Variants in TSPEAR observed in about 807,000 individuals in gnomAD.
TSPEAR encodes the protein thrombospondin type laminin G domain and EAR repeats.
Under a neutral mutation model 71.6 loss-of-function variants are expected in TSPEAR, and 69 were observed. That is an observed-to-expected ratio of 0.96 (90% CI 0.79 to 1.18). TSPEAR has a LOEUF of 1.18. Among genes scored for constraint, TSPEAR ranks in the 50% most tolerant of loss-of-function variants. The pLI, the probability that TSPEAR is intolerant of heterozygous loss-of-function variation, is 0.00. For synonymous variants in TSPEAR, 402 were observed against 387.2 expected, an observed-to-expected ratio of 1.04 and a Z score of -0.45; for missense variants, 971 against 894.9, an observed-to-expected ratio of 1.09 and a Z score of -1.09.
At chr21:44,507,655 A>C (rs1278342539) in intron 10 of TSPEAR, among the ~76,000 whole-genome samples, 1 of 152,238 alleles carries the variant, frequency 6.6e-6, no homozygotes, top group Non-Finnish European at 1.5e-5. Context: ...TCAAATCCCG[A>C]GGCGTCTGCC....
At chr21:44,550,509 G>A in intron 2 of TSPEAR, 1 of 933,396 alleles carries the variant, frequency 1.1e-6, no homozygotes, top group Non-Finnish European at 1.6e-6. Flanking sequence ...AGAAGCCAGG[G>A]CTCGCCCGCC....
chr21:44,632,275 G>C (rs1159748693), intron 1 of TSPEAR, among the ~76,000 whole-genome samples: 2 of 152,126 alleles, frequency 1.3e-5, no homozygotes, highest in African/African-American at 2.4e-5. Context: ...AGCAGGAAGA[G>C]AGAAGATTAA....
In TSPEAR at chr21:44,627,454, T is replaced by G. The variant is rs1162182657; in HGVS notation, c.83-59449A>C. 4.4e-6 allele frequency: 7 copies of G among 1,608,562 alleles called. No individual in the cohort carries two copies. In the African/African-American group the frequency reaches 9.4e-5, roughly 22 times the overall value. ...GCCGGCTTACTGCACCTCCTCCCCC[T>G]GCCAGCAGGCCTGCTGCGTGCCCGT... On this transcript the variant is annotated intron_variant, in intron 1 of 11. Coordinates refer to ENST00000323084, the MANE Select transcript of TSPEAR (RefSeq NM_144991.3).
chr21:44,650,224 A>G (rs587757551), intron 1 of TSPEAR, among the ~76,000 whole-genome samples: 2 of 152,264 alleles, frequency 1.3e-5, no homozygotes, highest in East Asian at 1.9e-4. Context: ...CAAAAAAAAA[A>G]AAGAAAGAAA....
intron 1 of TSPEAR, among the ~76,000 whole-genome samples, chr21:44,581,159 C>T (rs587755175): frequency 6.6e-6 from 1 of 152,300 alleles, no homozygotes; most frequent in East Asian, 1.9e-4. Flanking sequence ...TGGATCTGTG[C>T]TTTATCCTTG....
chr21:44,674,435 G>T (rs1463964320), intron 1 of TSPEAR, among the ~76,000 whole-genome samples: 1 of 152,138 alleles, frequency 6.6e-6, no homozygotes, highest in Admixed American at 6.5e-5. Context: ...AAGATCATCT[G>T]GCTGGGCACG....
chr21:44,550,824 T>G, intron 2 of TSPEAR: 1 of 1,534,990 alleles, frequency 6.5e-7, no homozygotes, highest in Non-Finnish European at 8.9e-7. Context: ...GCAGCTAGAC[T>G]GCTGGCAGCA....
intron 1 of TSPEAR, chr21:44,627,012 A>T: frequency 1.7e-6 from 2 of 1,187,356 alleles, no homozygotes; most frequent in Admixed American, 2.4e-5. Flanking sequence ...GCCGCCTCTC[A>T]GCAACAAGGA....
At chr21:44,535,595 G>C (rs587701267) in intron 2 of TSPEAR, among the ~76,000 whole-genome samples, 1 of 152,156 alleles carries the variant, frequency 6.6e-6, no homozygotes. Flanking sequence ...TGTACACTGC[G>C]ACTGCCTGCA....
intron 1 of TSPEAR, chr21:44,580,059 C>T (rs587654407): frequency 1.8e-5 from 29 of 1,594,356 alleles, no homozygotes; most frequent in South Asian, 1.5e-4. Context: ...CAGACAGGCA[C>T]GTAGCAGGAC....
At chr21:44,528,314 A>T in intron 6 of TSPEAR, 138 bp downstream of exon 6, 1 of 1,242,538 alleles carries the variant, frequency 8.0e-7, no homozygotes, top group Non-Finnish European at 1.1e-6. Context: ...TCTCACTCTT[A>T]GAAGTGCCCC....
intron 1 of TSPEAR, among the ~76,000 whole-genome samples, chr21:44,671,712 A>G (rs1986064381): frequency 6.6e-6 from 1 of 152,208 alleles, no homozygotes; most frequent in Non-Finnish European, 1.5e-5. Context: ...CTTCTCATAA[A>G]AAAGCCAGTC....
intron 1 of TSPEAR, among the ~76,000 whole-genome samples, chr21:44,568,629 A>G (rs948966434): frequency 6.6e-6 from 1 of 151,938 alleles, no homozygotes; most frequent in African/African-American, 2.4e-5. Context: ...GACAGGGAGG[A>G]AAATGGGAAG....
chr21:44,518,660 G>A (rs1555913845), intron 9 of TSPEAR: 1 of 470,798 alleles, frequency 2.1e-6, no homozygotes, highest in Non-Finnish European at 4.4e-6. Flanking sequence ...ACCCCCTGGA[G>A]GCCCGCCCCC....
chr21:44,695,678 A>G lies in TSPEAR; in HGVS notation c.82+15755T>C, dbSNP rs1389498346. 1.3e-5 allele frequency among the ~76,000 whole-genome samples: 2 copies of G among 152,156 alleles called. No individual in the cohort carries two copies. Among genetic ancestry groups the G allele is most frequent in the Non-Finnish European group, 2.9e-5 (2 of 68,026 alleles). On this transcript the variant is annotated intron_variant, in intron 1 of 11. Coordinates refer to ENST00000323084, the MANE Select transcript of TSPEAR (RefSeq NM_144991.3). This position sits in a 1 kb window ranked among gnomAD's most constrained non-coding sequence, Gnocchi z 4.5. ...ATAGCTTGAAATCAGCCAGGATATGAATATTTACACCACGGATGACAGCTA... is the reference window on the plus strand; with the variant it reads ...ATAGCTTGAAATCAGCCAGGATATGGATATTTACACCACGGATGACAGCTA...
chr21:44,508,510 G>A (rs1488871114), intron 10 of TSPEAR: 32 of 1,085,354 alleles, frequency 2.9e-5, no homozygotes, highest in East Asian at 2.8e-4. Flanking sequence ...TGGGTAATAC[G>A]GATTCGATTG....
At chr21:44,689,280 A>T (rs1185677097) in intron 1 of TSPEAR, among the ~76,000 whole-genome samples, 1 of 152,180 alleles carries the variant, frequency 6.6e-6, no homozygotes, top group Non-Finnish European at 1.5e-5. Context: ...AGGCGGGCGG[A>T]TCACGAGGTC....
At chr21:44,672,488 T>G (rs1413934966) in intron 1 of TSPEAR, among the ~76,000 whole-genome samples, 1 of 152,036 alleles carries the variant, frequency 6.6e-6, no homozygotes, top group African/African-American at 2.4e-5. Context: ...GAAAATGGCG[T>G]GAACCTGGGA....
intron 1 of TSPEAR, among the ~76,000 whole-genome samples, chr21:44,577,696 C>A (rs147729694): frequency 0.014 from 2,132 of 152,314 alleles, 23 homozygotes; most frequent in Non-Finnish European, 0.022. Flanking sequence ...GACACATATC[C>A]ACCATATCAC....
Sources: gnomAD v4.1 joint callset for allele counts (sites outside exome capture counted in the v4.1 genomes callset) on GRCh38, gnomAD v4.1.1 for gene constraint, Gnocchi (gnomAD v3.1) non-coding constraint, MANE v1.5 for transcripts, NCBI Gene and HGNC (gene_info 2026-07-23, HGNC 2026-07-21) for gene names.